MAP4K1: variants seen among roughly 807,000 people sequenced by gnomAD.
MAP4K1 encodes the protein mitogen-activated protein kinase kinase kinase kinase 1.
Under a neutral mutation model 122.8 loss-of-function variants are expected in MAP4K1, and 35 were observed. That is an observed-to-expected ratio of 0.29 (90% CI 0.22 to 0.38). The LOEUF (loss-of-function observed/expected upper bound fraction) is 0.38, where lower values mean the gene tolerates loss of function less well. MAP4K1 is among the 10% of genes least tolerant of loss of function. The probability of loss-of-function intolerance (pLI) is 1.00; values close to 1 mark genes in which losing one functional copy is unlikely to be tolerated. For synonymous variants in MAP4K1, 412 were observed against 421.3 expected (o/e 0.98, Z 0.27); for missense variants, 791 against 1,072.6 (o/e 0.74, Z 3.67).
At chr19:38,591,374 CA>C (rs1313361710) in intron 30 of MAP4K1, among the ~76,000 whole-genome samples, 1 of 150,748 alleles carries the variant, frequency 6.6e-6, no homozygotes, top group Admixed American at 6.6e-5. Context: ...ACTAAAAAAA[CA>C]AAAAAATTAG....
Position 38,597,101 on chromosome 19 carries a change from C to A in MAP4K1, c.1874G>T (p.Gly625Val). 1 of 1,614,194 alleles carries A rather than the reference C, an allele frequency of 6.2e-7. No individual in the cohort carries two copies. Among genetic ancestry groups the A allele is most frequent in the Non-Finnish European group, 8.5e-7 (1 of 1,180,032 alleles). The change falls in exon 25 of 31, where the codon GGT becomes GTT. Residue 625 changes from glycine (G) to valine (V), a missense_variant. Coordinates refer to ENST00000396857, the MANE Select transcript of MAP4K1 (RefSeq NM_001042600.3). This position sits in a 1 kb window ranked among gnomAD's most constrained non-coding sequence, Gnocchi z 4.6. ...GASSGGPFLCGALETSVVLLQ... is the reference protein window; with the variant it reads ...GASSGGPFLCVALETSVVLLQ... ...CAGGACAACGGACGTCTCCAATGCA[C>A]CGCACAGGAACGGGCCCCCAGAGCT...
intron 19 of MAP4K1, among the ~76,000 whole-genome samples, chr19:38,603,789 G>A (rs1975239714): frequency 6.6e-6 from 1 of 152,102 alleles, no homozygotes; most frequent in Admixed American, 6.6e-5. Context: ...TTTGAGACCA[G>A]CCTGGCCAAC....
intron 30 of MAP4K1, chr19:38,589,386 A>C: frequency 5.4e-6 from 1 of 185,176 alleles, no homozygotes; most frequent in Non-Finnish European, 1.2e-5. Flanking sequence ...CAGACTATTT[A>C]CCTCGTCTCA....
intron 29 of MAP4K1, among the ~76,000 whole-genome samples, chr19:38,594,967 A>G (rs1974827253): frequency 6.7e-6 from 1 of 150,178 alleles, no homozygotes; most frequent in Admixed American, 6.7e-5. Context: ...TTATCTATCT[A>G]TCTATCTATC....
intron 16 of MAP4K1, 52 bp from the exon 17 acceptor site, chr19:38,606,267 G>C (rs926954216): frequency 2.3e-6 from 2 of 880,662 alleles, no homozygotes; most frequent in Non-Finnish European, 1.8e-6. Flanking sequence ...ACAAGGACTC[G>C]GGGAAGATGG....
chr19:38,604,378 T>C (rs1975260211), intron 19 of MAP4K1, among the ~76,000 whole-genome samples: 1 of 152,246 alleles, frequency 6.6e-6, no homozygotes, highest in South Asian at 2.1e-4. Context: ...TAGTGACTCA[T>C]GGAGGTTTTG....
chr19:38,607,669 T>G (rs949948924), intron 16 of MAP4K1, among the ~76,000 whole-genome samples, 195 bp downstream of exon 16: 5 of 129,904 alleles, frequency 3.8e-5, no homozygotes, highest in Admixed American at 7.8e-5. Context: ...TTAAGGGAGG[T>G]GGGGTTAGGG....
chr19:38,596,735 A>G (rs950313983), intron 25 of MAP4K1, among the ~76,000 whole-genome samples: 1 of 152,048 alleles, frequency 6.6e-6, no homozygotes, highest in Non-Finnish European at 1.5e-5. Context: ...AGATAGCAAA[A>G]CCTGCTTAGA....
chr19:38,603,099 CAT>C (rs1568631810), intron 19 of MAP4K1, among the ~76,000 whole-genome samples: 1 of 140,222 alleles, frequency 7.1e-6, no homozygotes, highest in Non-Finnish European at 1.5e-5. Flanking sequence ...CATATATACA[CAT>C]GTACATATAT....
chr19:38,614,044 C>T lies in MAP4K1; in HGVS notation c.459G>A (p.Leu153=). The change falls in exon 7 of 31, where the codon TTG becomes TTA. Residue 153 remains leucine (L), a splice_region_variant and synonymous_variant. Transcript: ENST00000396857. ...ILINDAGEVR[L]ADFGISAQIG... ...TGCTCAACCCCCAGCCTTACTCACC[C>T]AATCTGACCTCCCCAGCATCATTGA... The T allele has an allele frequency of 6.2e-7, 1 of 1,613,642 alleles. No homozygotes were observed. The highest frequency in any genetic ancestry group is 8.5e-7 in the Non-Finnish European group (1 of 1,179,924).
chr19:38,608,045 G>T lies in MAP4K1; in HGVS notation c.1066-12C>A. The T allele has an allele frequency of 6.3e-7, 1 of 1,592,886 alleles. No homozygotes were observed. Among genetic ancestry groups the T allele is most frequent in the African/African-American group, 1.3e-5 (1 of 74,486 alleles). On this transcript the variant is annotated splice_polypyrimidine_tract_variant and intron_variant, in intron 14 of 30. Transcript: ENST00000396857. Reference sequence around the variant, plus strand: ...GGCTGTAGGCGAGCCTGTGGGGTAGGAAAAGGGTCAGCAGTGGCCTCAGGG... The same window carrying T: ...GGCTGTAGGCGAGCCTGTGGGGTAGTAAAAGGGTCAGCAGTGGCCTCAGGG...
Position 38,617,274 on chromosome 19 carries a change from C to T in MAP4K1, c.248+80G>A. ...AGAAAAAGAAAAGAAAAAAAAAGAA[C>T]TGAGGGTACCCCCATCAAGAAATGG... On this transcript the variant is annotated intron_variant, in intron 3 of 30. Transcript: ENST00000396857. This position sits in a 1 kb window ranked among gnomAD's most constrained non-coding sequence, Gnocchi z 4.1. The T allele has an allele frequency of 3.2e-6, 3 of 925,298 alleles. No individual in the cohort carries two copies. Among genetic ancestry groups the T allele is most frequent in the Non-Finnish European group, 5.3e-6 (3 of 563,022 alleles). The allele number at this position is 925,298 out of a possible 1,614,324, so 57.3% of individuals were successfully genotyped here.
rs1297507885 is a variant in MAP4K1, at chr19:38,595,470, G to A, written c.2340+15C>T. ...CTGGGGGGCAGTGATGTGGAGTTTG[G>A]ATGGAGGGGCTTACCTGATCCGAGC... On this transcript the variant is annotated intron_variant, in intron 29 of 30. Transcript: ENST00000396857. 3 of 1,613,818 alleles carry A rather than the reference G, an allele frequency of 1.9e-6. No homozygotes were observed. The highest frequency in any genetic ancestry group is 1.7e-6 in the Non-Finnish European group (2 of 1,179,910).
At chr19:38,603,341 T>C (rs1053253135) in intron 19 of MAP4K1, among the ~76,000 whole-genome samples, 3 of 150,630 alleles carry the variant, frequency 2.0e-5, no homozygotes, top group African/African-American at 7.3e-5. Flanking sequence ...CGCATATACA[T>C]ATATACACAT....
Position 38,593,376 on chromosome 19 carries a change from A to AC in MAP4K1, c.2341-40dup, listed in dbSNP as rs755974116. 6 of 1,552,364 alleles carry AC rather than the reference A, an allele frequency of 3.9e-6. No homozygotes were observed. The African/African-American group carries it at 8.2e-5, about 21-fold the overall frequency. Reference sequence around the variant, plus strand: ...GTGTGTGTCTCAGTGCCTGGAAGATACCTCCACTGTCACTACGAACATGGC... The same window carrying AC: ...GTGTGTGTCTCAGTGCCTGGAAGATACCCTCCACTGTCACTACGAACATGGC... On this transcript the variant is annotated intron_variant, in intron 29 of 30. Transcript: ENST00000396857.
chr19:38,598,228 A>G (rs1974947823), intron 22 of MAP4K1, among the ~76,000 whole-genome samples: 1 of 151,868 alleles, frequency 6.6e-6, no homozygotes, highest in South Asian at 2.1e-4. Context: ...ACGGGGTTTT[A>G]CCATGTTGGC....
At chr19:38,602,921 T>C (rs912506345) in intron 19 of MAP4K1, among the ~76,000 whole-genome samples, 1 of 148,442 alleles carries the variant, frequency 6.7e-6, no homozygotes, top group Non-Finnish European at 1.5e-5. Flanking sequence ...TGTACACATA[T>C]ACGCATATAC....
chr19:38,595,072 G>C (rs983635804), intron 29 of MAP4K1, among the ~76,000 whole-genome samples: 1 of 151,898 alleles, frequency 6.6e-6, no homozygotes, highest in Admixed American at 6.6e-5. Flanking sequence ...ATCACCCCAG[G>C]TCAAGAGTTC....
chr19:38,602,487 T>C (rs141626709), intron 19 of MAP4K1, among the ~76,000 whole-genome samples: 9,851 of 133,092 alleles, frequency 0.074, 385 homozygotes, highest in South Asian at 0.15. Context: ...TACACACATA[T>C]ACATATATAC....
Sources: allele counts gnomAD v4.1 joint callset (sites outside exome capture counted in the v4.1 genomes callset), GRCh38; gene constraint gnomAD v4.1.1; non-coding constraint Gnocchi (gnomAD v3.1); transcripts MANE v1.5; gene names NCBI Gene and HGNC (gene_info 2026-07-23, HGNC 2026-07-21).